FGF14: variants seen among roughly 807,000 people sequenced by gnomAD.
The protein encoded by FGF14 is fibroblast growth factor 14.
Under a neutral mutation model 25.5 loss-of-function variants are expected in FGF14, and 5 were observed. The observed-to-expected ratio is 0.20, with a 90% CI of 0.10 to 0.41. The LOEUF (loss-of-function observed/expected upper bound fraction) is 0.41. Ranked by LOEUF, FGF14 falls within the 10% of genes least tolerant of loss-of-function variation. The pLI, the probability that FGF14 is intolerant of heterozygous loss-of-function variation, is 1.00. For missense variants in FGF14, 222 were observed against 320.1 expected, an observed-to-expected ratio of 0.69 and a Z score of 2.34; for synonymous variants, 138 against 118.3, an observed-to-expected ratio of 1.17 and a Z score of -1.08.
intron 3 of FGF14, among the ~76,000 whole-genome samples, chr13:101,781,229 T>A (rs1576183): frequency 0.92 from 139,253 of 152,184 alleles, 64,948 homozygotes; most frequent in East Asian, 1. Context: ...TGATCTTGCC[T>A]TTCTCTTATT....
intron 1 of FGF14, among the ~76,000 whole-genome samples, chr13:102,365,247 C>CA (rs2057676856): frequency 6.6e-6 from 1 of 152,042 alleles, no homozygotes; most frequent in East Asian, 1.9e-4. Flanking sequence ...CACACACACA[C>CA]AGCCTAGGCA....
At chr13:101,923,959 T>C (rs2034186350) in intron 1 of FGF14, among the ~76,000 whole-genome samples, 1 of 152,108 alleles carries the variant, frequency 6.6e-6, no homozygotes, top group South Asian at 2.1e-4. Context: ...ATATTCTCAG[T>C]AGCTTCCAGC....
chr13:102,236,803 C>G (rs578020138), intron 1 of FGF14, among the ~76,000 whole-genome samples: 1 of 152,178 alleles, frequency 6.6e-6, no homozygotes, highest in Admixed American at 6.5e-5. Context: ...GGATGCGGAA[C>G]CCTCATTTGC....
intron 1 of FGF14, among the ~76,000 whole-genome samples, chr13:102,288,716 C>G (rs893944858): frequency 5.9e-5 from 9 of 152,108 alleles, no homozygotes; most frequent in South Asian, 2.1e-4. Context: ...TCCCAAGTAG[C>G]TGAGGTTACA....
chr13:101,848,149 T>A (rs979454879), intron 3 of FGF14, among the ~76,000 whole-genome samples: 5 of 152,012 alleles, frequency 3.3e-5, no homozygotes, highest in South Asian at 2.1e-4. Context: ...TATATTTTTT[T>A]AAAAATCAAG....
chr13:101,937,779 T>C (rs2035199811), intron 1 of FGF14, among the ~76,000 whole-genome samples: 3 of 152,058 alleles, frequency 2.0e-5, no homozygotes, highest in Admixed American at 2.0e-4. Flanking sequence ...TTTGTATTTT[T>C]AGTAGAGACA....
At chr13:102,233,091 T>C (rs894921066) in intron 1 of FGF14, among the ~76,000 whole-genome samples, 2 of 152,130 alleles carry the variant, frequency 1.3e-5, no homozygotes, top group Admixed American at 6.6e-5. Context: ...ATGACTCATT[T>C]TTCTACCAAA....
At chr13:102,167,312 CAAAAAAAAAAAAA>C (rs10689114) in intron 1 of FGF14, among the ~76,000 whole-genome samples, 376 of 72,758 alleles carry the variant, frequency 5.2e-3, no homozygotes, top group Non-Finnish European at 6.3e-3. Flanking sequence ...CACTCCATCT[CAAAAAAAAAAAAA>C]AAAAAAAAAG....
intron 1 of FGF14, among the ~76,000 whole-genome samples, chr13:102,167,868 A>C (rs2048086717): frequency 6.6e-6 from 1 of 152,002 alleles, no homozygotes; most frequent in Non-Finnish European, 1.5e-5. Context: ...TCATAAGAGA[A>C]AAATATAATG....
chr13:102,244,367 C>T (rs1025094336), intron 1 of FGF14, among the ~76,000 whole-genome samples: 1 of 151,730 alleles, frequency 6.6e-6, no homozygotes, highest in Non-Finnish European at 1.5e-5. Flanking sequence ...GCAGCTCCCA[C>T]ATCCTCTCTG....
chr13:101,823,963 C>T (rs2042284774), intron 3 of FGF14, among the ~76,000 whole-genome samples: 1 of 151,620 alleles, frequency 6.6e-6, no homozygotes, highest in African/African-American at 2.4e-5. Flanking sequence ...ATCTGGTATT[C>T]TACATAATTC....
intron 1 of FGF14, among the ~76,000 whole-genome samples, chr13:101,902,012 A>G (rs543753180): frequency 7.1e-4 from 108 of 152,308 alleles, no homozygotes; most frequent in African/African-American, 2.5e-3. Flanking sequence ...TGTGAAGTTC[A>G]ATGCAGATAA....
chr13:101,758,833 G>T (rs2037823179), intron 3 of FGF14, among the ~76,000 whole-genome samples: 2 of 152,196 alleles, frequency 1.3e-5, no homozygotes, highest in African/African-American at 4.8e-5. Flanking sequence ...GTTCTGGGTT[G>T]AGGGATGAGG....
intron 1 of FGF14, among the ~76,000 whole-genome samples, chr13:102,323,788 G>A (rs1206363099): frequency 1.3e-5 from 2 of 152,106 alleles, no homozygotes; most frequent in African/African-American, 4.8e-5. Context: ...ATACTCATAG[G>A]AGATTTGAAT....
chr13:102,052,378 C>G (rs1354372131), intron 1 of FGF14, among the ~76,000 whole-genome samples: 1 of 151,782 alleles, frequency 6.6e-6, no homozygotes, highest in Non-Finnish European at 1.5e-5. Context: ...ATATAAATAT[C>G]CAGGTACGAG....
intron 1 of FGF14, among the ~76,000 whole-genome samples, chr13:102,265,171 T>C (rs2052925911): frequency 6.6e-6 from 1 of 152,072 alleles, no homozygotes; most frequent in Non-Finnish European, 1.5e-5. Context: ...CATCAAAACT[T>C]CCCTCCAAAA....
intron 3 of FGF14, among the ~76,000 whole-genome samples, chr13:101,835,260 A>T (rs979090313): frequency 6.6e-6 from 1 of 151,912 alleles, no homozygotes; most frequent in African/African-American, 2.4e-5. Context: ...TGAAATAGAG[A>T]GAGAGAGAGG....
chr13:102,120,348 C>A (rs1047141467), intron 1 of FGF14, among the ~76,000 whole-genome samples: 1 of 152,130 alleles, frequency 6.6e-6, no homozygotes, highest in African/African-American at 2.4e-5. Flanking sequence ...CCAAAAGTAC[C>A]GCTAAGCCAT....
At chr13:102,162,659 G>C (rs1296162364) in intron 1 of FGF14, among the ~76,000 whole-genome samples, 4 of 152,126 alleles carry the variant, frequency 2.6e-5, no homozygotes, top group Non-Finnish European at 4.4e-5. Context: ...TGTAACAAAA[G>C]ACTTCATTAT....
Sources: allele counts gnomAD v4.1 joint callset (sites outside exome capture counted in the v4.1 genomes callset), GRCh38; gene constraint gnomAD v4.1.1; transcripts MANE v1.5; gene names NCBI Gene and HGNC (gene_info 2026-07-23, HGNC 2026-07-21).